The following TBC1D22A variants were observed in gnomAD, a reference collection of about 807,000 sequenced individuals.
TBC1D22A encodes the protein putative GTPase activator.
Under a neutral mutation model 60.2 loss-of-function variants are expected in TBC1D22A, and 38 were observed. The observed-to-expected ratio is 0.63, with a 90% CI of 0.49 to 0.83. TBC1D22A has a LOEUF of 0.83. Among genes scored for constraint, TBC1D22A ranks in the 40% least tolerant of loss-of-function variants. The probability of loss-of-function intolerance (pLI) is 0.00; values close to 1 mark genes in which losing one functional copy is unlikely to be tolerated. For synonymous variants in TBC1D22A, 302 were observed against 281.7 expected, an observed-to-expected ratio of 1.07 and a Z score of -0.72; for missense variants, 628 against 701.0, an observed-to-expected ratio of 0.90 and a Z score of 1.18.
intron 1 of TBC1D22A, among the ~76,000 whole-genome samples, chr22:46,784,716 C>T (rs2084085551): frequency 6.6e-6 from 1 of 152,098 alleles, no homozygotes; most frequent in South Asian, 2.1e-4. Context: ...TGGTTTTGAG[C>T]AATAGAGATA....
chr22:47,111,919 C>T (rs2065863815), intron 12 of TBC1D22A, among the ~76,000 whole-genome samples: 1 of 152,218 alleles, frequency 6.6e-6, no homozygotes, highest in Non-Finnish European at 1.5e-5. Context: ...GGCTTGTGAC[C>T]TCTGGTCCCT....
chr22:46,911,075 G>C (rs6009051), intron 7 of TBC1D22A, among the ~76,000 whole-genome samples: 1,863 of 152,216 alleles, frequency 0.012, 36 homozygotes, highest in African/African-American at 0.043. Context: ...CTTCAGCCAG[G>C]TGTGCACATG....
chr22:46,931,856 A>G (rs140610213), intron 8 of TBC1D22A, among the ~76,000 whole-genome samples: 1,540 of 152,266 alleles, frequency 0.01, 26 homozygotes, highest in African/African-American at 0.035. Context: ...TGTTATGCAT[A>G]ATTTTTATTT....
chr22:47,079,527 C>T (rs2064372738), intron 11 of TBC1D22A, among the ~76,000 whole-genome samples: 1 of 152,166 alleles, frequency 6.6e-6, no homozygotes, highest in Non-Finnish European at 1.5e-5. Flanking sequence ...TGGAAGTAAA[C>T]TCTTGTAAGG....
intron 4 of TBC1D22A, among the ~76,000 whole-genome samples, chr22:46,848,098 A>G (rs1310074067): frequency 6.6e-6 from 1 of 152,230 alleles, no homozygotes; most frequent in African/African-American, 2.4e-5. Flanking sequence ...GAGTGATCTA[A>G]GTTAGTTGGA....
chr22:47,007,628 TTGCAAAAGGC>T (rs1306815712), intron 10 of TBC1D22A, among the ~76,000 whole-genome samples: 1 of 151,970 alleles, frequency 6.6e-6, no homozygotes, highest in Non-Finnish European at 1.5e-5. Flanking sequence ...TAGGGTTGGG[TTGCAAAAGGC>T]TGCCTTCTTG....
At chr22:46,850,125 A>AG (rs1268381428) in intron 4 of TBC1D22A, among the ~76,000 whole-genome samples, 1 of 152,162 alleles carries the variant, frequency 6.6e-6, no homozygotes, top group Non-Finnish European at 1.5e-5. Flanking sequence ...TGGTGGATGC[A>AG]GGCAGGGGCC....
intron 9 of TBC1D22A, among the ~76,000 whole-genome samples, chr22:46,975,412 C>T (rs563011602): frequency 3.3e-5 from 5 of 152,146 alleles, no homozygotes; most frequent in African/African-American, 9.7e-5. Flanking sequence ...AAGCCCAGAG[C>T]GCGGTTTGGG....
intron 8 of TBC1D22A, among the ~76,000 whole-genome samples, chr22:46,965,095 C>T (rs1397671664): frequency 6.6e-5 from 10 of 152,358 alleles, no homozygotes; most frequent in Admixed American, 6.5e-4. Flanking sequence ...CTTGCTGGAG[C>T]GGTCAGTGAA....
chr22:47,041,829 T>C (rs1369381851), intron 11 of TBC1D22A, among the ~76,000 whole-genome samples: 1 of 152,224 alleles, frequency 6.6e-6, no homozygotes, highest in Non-Finnish European at 1.5e-5. Context: ...TTCTCTGCTG[T>C]TGAAGCACAG....
chr22:46,988,731 C>G (rs985750160), intron 9 of TBC1D22A, among the ~76,000 whole-genome samples: 1 of 152,220 alleles, frequency 6.6e-6, no homozygotes, highest in Non-Finnish European at 1.5e-5. Context: ...AGGCAGAGTA[C>G]TGAGCATGCT....
At chr22:46,866,549 C>T (rs1177660031) in intron 4 of TBC1D22A, among the ~76,000 whole-genome samples, 1 of 152,222 alleles carries the variant, frequency 6.6e-6, no homozygotes, top group Non-Finnish European at 1.5e-5. Context: ...TACTCTTCAA[C>T]AGGCTGGTTG....
At chr22:46,879,375 C>T (rs940255459) in intron 5 of TBC1D22A, among the ~76,000 whole-genome samples, 18 of 152,140 alleles carry the variant, frequency 1.2e-4, no homozygotes, top group African/African-American at 4.3e-4. Context: ...GAGTTTGGCC[C>T]TGCCCACCAT....
chr22:47,065,839 CT>C (rs2063756685), intron 11 of TBC1D22A, among the ~76,000 whole-genome samples: 1 of 152,172 alleles, frequency 6.6e-6, no homozygotes, highest in Admixed American at 6.5e-5. Flanking sequence ...TCAGTTCCCC[CT>C]GTGTCCAGCT....
chr22:46,889,984 A>C (rs2068313445), intron 5 of TBC1D22A, among the ~76,000 whole-genome samples: 1 of 152,240 alleles, frequency 6.6e-6, no homozygotes, highest in African/African-American at 2.4e-5. Context: ...TATTTTATAA[A>C]TTAGAATTGG....
intron 8 of TBC1D22A, among the ~76,000 whole-genome samples, chr22:46,973,077 C>T (rs2074138026): frequency 6.6e-6 from 1 of 152,164 alleles, no homozygotes; most frequent in Non-Finnish European, 1.5e-5. Flanking sequence ...TGGCGTGTCA[C>T]CTCGTCTCTT....
intron 6 of TBC1D22A, among the ~76,000 whole-genome samples, chr22:46,892,207 A>G (rs1384274043): frequency 6.6e-6 from 1 of 152,084 alleles, no homozygotes; most frequent in Non-Finnish European, 1.5e-5. Context: ...TTCCCTCTGC[A>G]AACCCTGCTT....
intron 10 of TBC1D22A, among the ~76,000 whole-genome samples, chr22:47,016,395 C>G (rs1005669139): frequency 2.0e-5 from 3 of 152,188 alleles, no homozygotes; most frequent in Admixed American, 2.0e-4. Context: ...GGCCCTCCCC[C>G]AAGGAACCCT....
chr22:46,984,246 A>G (rs908644004), intron 9 of TBC1D22A, among the ~76,000 whole-genome samples: 3 of 151,548 alleles, frequency 2.0e-5, no homozygotes, highest in African/African-American at 7.3e-5. Context: ...GCGCGCCTGT[A>G]ATCCCATCTA....
Sources: gnomAD v4.1 joint callset for allele counts (sites outside exome capture counted in the v4.1 genomes callset) on GRCh38, gnomAD v4.1.1 for gene constraint, MANE v1.5 for transcripts, NCBI Gene and HGNC (gene_info 2026-07-23, HGNC 2026-07-21) for gene names.